The following PDE8B variants were observed in gnomAD, a reference collection of about 807,000 sequenced individuals.
The protein encoded by PDE8B is phosphodiesterase 8B.
Under a neutral mutation model 101.3 loss-of-function variants are expected in PDE8B, and 26 were observed. The ratio of observed to expected loss-of-function variants is 0.26; its 90% CI spans 0.19 to 0.36. PDE8B has a LOEUF of 0.36. PDE8B is among the 10% of genes least tolerant of loss of function. The pLI is 1.00. For synonymous variants in PDE8B, 424 were observed against 429.3 expected (o/e 0.99, Z 0.15); for missense variants, 810 against 1,163.1 (o/e 0.70, Z 4.42).
chr5:77,151,428 A>G, the PDE8B span: 3 of 152,266 alleles, frequency 2.0e-5, no homozygotes, highest in African/African-American at 7.2e-5. Context: ...GACATTCCCT[A>G]AGAAGCCATG....
the PDE8B span, among the ~76,000 whole-genome samples, chr5:77,164,692 T>C: frequency 6.6e-6 from 1 of 152,144 alleles, no homozygotes; most frequent in Non-Finnish European, 1.5e-5. Flanking sequence ...AGACTTGCAT[T>C]GGAGTTAACA....
intron 10 of PDE8B, among the ~76,000 whole-genome samples, chr5:77,394,969 CAAA>C (rs1261555128): frequency 6.6e-6 from 1 of 151,856 alleles, no homozygotes; most frequent in African/African-American, 2.4e-5. Context: ...TTTGATTTTT[CAAA>C]AAAATATTTT....
At chr5:77,284,023 A>G (rs774936468) in intron 1 of PDE8B, among the ~76,000 whole-genome samples, 19 of 152,158 alleles carry the variant, frequency 1.2e-4, no homozygotes, top group Non-Finnish European at 2.5e-4. Flanking sequence ...TTTTTCCATT[A>G]TAATAGGTGT....
At chr5:77,407,526 A>G in intron 13 of PDE8B, 69 bp downstream of exon 13, 2 of 1,089,278 alleles carry the variant, frequency 1.8e-6, no homozygotes, top group South Asian at 1.2e-5. Context: ...CTGAAAATAC[A>G]TCACACTGAC....
intron 13 of PDE8B, among the ~76,000 whole-genome samples, chr5:77,408,324 C>A (rs1255103630): frequency 6.6e-6 from 1 of 152,158 alleles, no homozygotes; most frequent in African/African-American, 2.4e-5. Context: ...GATAGAAGTG[C>A]TTTCTTTTGC....
chr5:77,127,005 C>G, the PDE8B span, among the ~76,000 whole-genome samples: 1 of 152,092 alleles, frequency 6.6e-6, no homozygotes, highest in South Asian at 2.1e-4. Context: ...GTATCCTTGC[C>G]AGGACACTGA....
chr5:77,240,374 T>C (rs1002844990), intron 1 of PDE8B, among the ~76,000 whole-genome samples: 40 of 152,050 alleles, frequency 2.6e-4, no homozygotes, highest in African/African-American at 4.1e-4. Flanking sequence ...AGGATGGTCT[T>C]GATCTCCTGA....
intron 1 of PDE8B, among the ~76,000 whole-genome samples, chr5:77,288,274 C>A (rs2149908470): frequency 6.6e-6 from 1 of 152,256 alleles, no homozygotes; most frequent in East Asian, 1.9e-4. Context: ...CCAGTTTTAT[C>A]CTTCCATTTC....
chr5:77,382,230 TA>T (rs1787629789), intron 10 of PDE8B, among the ~76,000 whole-genome samples: 1 of 152,154 alleles, frequency 6.6e-6, no homozygotes, highest in Non-Finnish European at 1.5e-5. Context: ...TGTCTCCCTG[TA>T]GACATCCAGC....
intron 1 of PDE8B, among the ~76,000 whole-genome samples, chr5:77,236,897 T>C (rs1039299936): frequency 6.6e-6 from 1 of 152,224 alleles, no homozygotes; most frequent in South Asian, 2.1e-4. Context: ...CAACTGTAAT[T>C]GTGAATTTGT....
intron 2 of PDE8B, among the ~76,000 whole-genome samples, chr5:77,318,942 G>A (rs1347007491): frequency 2.6e-5 from 4 of 152,058 alleles, no homozygotes. Flanking sequence ...CACCTATATT[G>A]CCTTATTCAA....
intron 20 of PDE8B, 146 bp from the exon 21 acceptor site, chr5:77,425,621 T>C (rs1797902602): frequency 1.5e-5 from 12 of 787,856 alleles, no homozygotes; most frequent in South Asian, 1.4e-4. Flanking sequence ...CTGACTTACG[T>C]AAGTCTGAGG....
At chr5:77,391,126 T>C (rs1342760637) in intron 10 of PDE8B, among the ~76,000 whole-genome samples, 2 of 152,252 alleles carry the variant, frequency 1.3e-5, no homozygotes, top group Non-Finnish European at 2.9e-5. Flanking sequence ...GAAATAATTT[T>C]AGAATAATTT....
At chr5:77,415,612 A>G (rs2011799) in intron 17 of PDE8B, among the ~76,000 whole-genome samples, 38,990 of 151,348 alleles carry the variant, frequency 0.26, 5,316 homozygotes, top group East Asian at 0.51. Flanking sequence ...ACCCACCTCG[A>G]CCTCCCAAAC....
chr5:77,390,817 A>C (rs1789755771), intron 10 of PDE8B, among the ~76,000 whole-genome samples: 1 of 152,362 alleles, frequency 6.6e-6, no homozygotes, highest in Non-Finnish European at 1.5e-5. Context: ...AAATGGTTTT[A>C]GAGCCAAAGG....
chr5:77,259,770 C>A (rs1760086872), intron 1 of PDE8B, among the ~76,000 whole-genome samples: 1 of 152,208 alleles, frequency 6.6e-6, no homozygotes, highest in Non-Finnish European at 1.5e-5. Context: ...CACATCCTGG[C>A]AAGTTCTTTC....
intron 2 of PDE8B, among the ~76,000 whole-genome samples, chr5:77,313,483 A>C (rs1349344375): frequency 2.0e-5 from 3 of 152,220 alleles, no homozygotes; most frequent in Non-Finnish European, 4.4e-5. Context: ...TAACAAATAA[A>C]GGCATTGATA....
intron 1 of PDE8B, among the ~76,000 whole-genome samples, chr5:77,216,410 G>A (rs1203893641): frequency 6.6e-6 from 1 of 152,192 alleles, no homozygotes; most frequent in Non-Finnish European, 1.5e-5. Context: ...CATGGTGGCA[G>A]ACGAGAGAAT....
At position 77,295,626 on chromosome 5, in the gene PDE8B, A is replaced by G. The variant is rs150431497; in HGVS notation, c.340-16368A>G. On this transcript the variant is annotated intron_variant, in intron 1 of 21. Transcript: ENST00000264917. ...ATTGCCCACCCAAAGGATACATATCATCAGATCTCTCTAATATCAACAAGG... is the reference window on the plus strand; with the variant it reads ...ATTGCCCACCCAAAGGATACATATCGTCAGATCTCTCTAATATCAACAAGG... 2.5e-3 allele frequency among the ~76,000 whole-genome samples: 375 copies of G among 152,324 alleles called. 3 individuals are homozygous for G. The highest frequency in any genetic ancestry group is 1.0e-2 in the South Asian group (48 of 4,820).
Sources: allele counts gnomAD v4.1 joint callset (sites outside exome capture counted in the v4.1 genomes callset), GRCh38; gene constraint gnomAD v4.1.1; transcripts MANE v1.5; gene names NCBI Gene and HGNC (gene_info 2026-07-23, HGNC 2026-07-21).